The following CAMK1D variants were observed in gnomAD, a reference collection of about 807,000 sequenced individuals.
CAMK1D encodes the protein calcium/calmodulin-dependent protein kinase type 1D.
In CAMK1D, 9 loss-of-function variants were observed where a neutral mutation model predicts 47.7. The observed-to-expected ratio is 0.19, with a 90% CI of 0.11 to 0.33. CAMK1D has a LOEUF of 0.33. Ranked by LOEUF, CAMK1D falls within the 10% of genes least tolerant of loss-of-function variation. The probability of loss-of-function intolerance (pLI) is 1.00; values close to 1 mark genes in which losing one functional copy is unlikely to be tolerated. For missense variants in CAMK1D, 291 were observed against 488.7 expected (o/e 0.60, Z 3.81); for synonymous variants, 184 against 184.9 (o/e 0.99, Z 0.04).
chr10:12,759,897 G>A (rs60205532), intron 3 of CAMK1D, among the ~76,000 whole-genome samples: 3,364 of 152,154 alleles, frequency 0.022, 106 homozygotes, highest in African/African-American at 0.066. Flanking sequence ...GTTACCGTAG[G>A]GCTTGTCTTT....
chr10:12,586,948 CTGA>C lies in CAMK1D; in HGVS notation c.224+33594_224+33596del, dbSNP rs777774276. On this transcript the variant is annotated intron_variant, in intron 2 of 10. Coordinates refer to ENST00000619168, the MANE Select transcript of CAMK1D (RefSeq NM_153498.4). Reference sequence around the variant, plus strand: ...GTGCTTTTCTAGGTTGCTTCTCCTGCTGATAAGGACCATGACTCACAGGAAGGC... The same window carrying C: ...GTGCTTTTCTAGGTTGCTTCTCCTGCTAAGGACCATGACTCACAGGAAGGC... 9.2e-5 allele frequency among the ~76,000 whole-genome samples: 14 copies of C among 152,228 alleles called. No homozygotes were observed. The East Asian group carries it at 9.7e-4, about 11-fold the overall frequency.
At chr10:12,630,577 T>C (rs888108856) in intron 2 of CAMK1D, among the ~76,000 whole-genome samples, 1 of 151,872 alleles carries the variant, frequency 6.6e-6, no homozygotes, top group African/African-American at 2.4e-5. Context: ...GCTTTGTTGT[T>C]TTATTTTATT....
At chr10:12,675,116 G>A (rs1038499147) in intron 3 of CAMK1D, among the ~76,000 whole-genome samples, 4 of 151,470 alleles carry the variant, frequency 2.6e-5, no homozygotes, top group African/African-American at 7.3e-5. Flanking sequence ...CTTTACAAGT[G>A]TAACAACTTA....
chr10:12,364,328 G>A lies in CAMK1D; in HGVS notation c.92+14418G>A, dbSNP rs183485357. ...ATGATCTCGGCTCACTGCAACCTCC[G>A]CCTTCTGGGTTCAAGCAATTCTCCT... On this transcript the variant is annotated intron_variant, in intron 1 of 10. Coordinates refer to ENST00000619168, the MANE Select transcript of CAMK1D (RefSeq NM_153498.4). Among the ~76,000 whole-genome samples, 138 of 138,076 alleles carry A rather than the reference G, an allele frequency of 1.0e-3. 2 individuals are homozygous for A. In the East Asian group the frequency reaches 0.019, roughly 19 times the overall value. 90.6% of individuals were successfully genotyped at this position (138,076 alleles called of 152,430 possible).
intron 1 of CAMK1D, among the ~76,000 whole-genome samples, chr10:12,506,628 C>T (rs1834881536): frequency 6.6e-6 from 1 of 152,122 alleles, no homozygotes; most frequent in Non-Finnish European, 1.5e-5. Context: ...ACGCCATTCT[C>T]CTGCCTCAGC....
rs144515917 is a variant in CAMK1D, at chr10:12,803,438, T to G, written c.642-10757T>G. ...GGCTCACACCTGTAATCCCAGCACT[T>G]TGGGAGGCTGAGGCGGGCAGGTCAC... On this transcript the variant is annotated intron_variant, in intron 6 of 10. Transcript: ENST00000619168. 7.0e-3 allele frequency among the ~76,000 whole-genome samples: 1,065 copies of G among 152,218 alleles called. 17 individuals carry two copies. The highest frequency in any genetic ancestry group is 0.024 in the African/African-American group (1,008 of 41,530).
intron 9 of CAMK1D, among the ~76,000 whole-genome samples, chr10:12,824,979 C>T (rs1050187575): frequency 6.6e-6 from 1 of 152,122 alleles, no homozygotes; most frequent in African/African-American, 2.4e-5. Context: ...ACTTCCTAAT[C>T]TCTTGATTAC....
chr10:12,560,291 G>A (rs894108489), intron 2 of CAMK1D, among the ~76,000 whole-genome samples: 4 of 152,046 alleles, frequency 2.6e-5, no homozygotes, highest in African/African-American at 9.7e-5. Context: ...GGTGGCTCAC[G>A]CCTGTAATCA....
chr10:12,634,139 A>G (rs1211896412), intron 2 of CAMK1D, among the ~76,000 whole-genome samples: 1 of 152,158 alleles, frequency 6.6e-6, no homozygotes, highest in East Asian at 1.9e-4. Context: ...TGTCTCTTGA[A>G]GAGTGACTTT....
chr10:12,401,239 T>A lies in CAMK1D; in HGVS notation c.92+51329T>A, dbSNP rs867749133. Among the ~76,000 whole-genome samples, 64 of 28,952 alleles carry A rather than the reference T, an allele frequency of 2.2e-3. 13 individuals are homozygous for A. Among genetic ancestry groups the A allele is most frequent in the South Asian group, 3.7e-3 (4 of 1,084 alleles). 19.0% of individuals were successfully genotyped at this position (28,952 alleles called of 152,430 possible). ...TATTATATATATTATATATATATTT[T>A]ATATATATATAATATATGTATTATA... On this transcript the variant is annotated intron_variant, in intron 1 of 10. Coordinates refer to ENST00000619168, the MANE Select transcript of CAMK1D (RefSeq NM_153498.4).
chr10:12,505,724 A>C (rs1332903138), intron 1 of CAMK1D, among the ~76,000 whole-genome samples: 1 of 152,232 alleles, frequency 6.6e-6, no homozygotes, highest in African/African-American at 2.4e-5. Context: ...CAGAGCAGTC[A>C]GATCTCTTCT....
intron 2 of CAMK1D, among the ~76,000 whole-genome samples, chr10:12,613,579 G>C (rs576684343): frequency 6.6e-6 from 1 of 152,318 alleles, no homozygotes; most frequent in South Asian, 2.1e-4. Context: ...CGGGGGTGCA[G>C]GTGATTCTCC....
chr10:12,620,393 G>A (rs1450752782), intron 2 of CAMK1D, among the ~76,000 whole-genome samples: 1 of 152,210 alleles, frequency 6.6e-6, no homozygotes, highest in Non-Finnish European at 1.5e-5. Context: ...CCAGTAATGT[G>A]TGAGTGATCG....
chr10:12,704,174 T>C (rs1174181882), intron 3 of CAMK1D, among the ~76,000 whole-genome samples: 1 of 151,922 alleles, frequency 6.6e-6, no homozygotes, highest in Non-Finnish European at 1.5e-5. Flanking sequence ...CATCCCTTTT[T>C]TTCCAGCTTT....
chr10:12,388,113 T>TG (rs1396674295), intron 1 of CAMK1D, among the ~76,000 whole-genome samples: 2 of 152,066 alleles, frequency 1.3e-5, no homozygotes, highest in African/African-American at 4.8e-5. Context: ...TCTCCAGAAA[T>TG]GCGCTCACCA....
intron 2 of CAMK1D, among the ~76,000 whole-genome samples, chr10:12,604,552 T>C (rs1838395228): frequency 6.6e-6 from 1 of 152,196 alleles, no homozygotes; most frequent in Non-Finnish European, 1.5e-5. Context: ...ATTCAGAGTC[T>C]CAGAAACTTG....
At chr10:12,557,055 A>G (rs559709353) in intron 2 of CAMK1D, among the ~76,000 whole-genome samples, 76 of 152,310 alleles carry the variant, frequency 5.0e-4, no homozygotes, top group African/African-American at 1.6e-3. Flanking sequence ...AGTTTCTGAC[A>G]TGGATGCCTG....
chr10:12,590,320 C>T (rs193233343), intron 2 of CAMK1D, among the ~76,000 whole-genome samples: 12 of 152,208 alleles, frequency 7.9e-5, no homozygotes, highest in African/African-American at 2.4e-4. Flanking sequence ...TGGGCTCAAG[C>T]GATCCTCCTA....
intron 1 of CAMK1D, among the ~76,000 whole-genome samples, chr10:12,382,509 T>C (rs1298578971): frequency 6.6e-6 from 1 of 152,102 alleles, no homozygotes; most frequent in African/African-American, 2.4e-5. Flanking sequence ...TAATACTGTT[T>C]AGAAAGATTT....
Sources: allele counts gnomAD v4.1 joint callset (sites outside exome capture counted in the v4.1 genomes callset), GRCh38; gene constraint gnomAD v4.1.1; transcripts MANE v1.5; gene names NCBI Gene and HGNC (gene_info 2026-07-23, HGNC 2026-07-21).